ROBO2: variants seen among roughly 807,000 people sequenced by gnomAD.
ROBO2 encodes the protein roundabout guidance receptor 2.
Under a neutral mutation model 160.8 loss-of-function variants are expected in ROBO2, and 53 were observed. That is an observed-to-expected ratio of 0.33 (90% CI 0.26 to 0.41). The LOEUF (loss-of-function observed/expected upper bound fraction) is 0.41, where lower values mean the gene tolerates loss of function less well. Ranked by LOEUF, ROBO2 falls within the 10% of genes least tolerant of loss-of-function variation. The pLI is 1.00. For synonymous variants in ROBO2, 664 were observed against 611.7 expected (o/e 1.09, Z -1.26); for missense variants, 1,577 against 1,722.4 (o/e 0.92, Z 1.49).
chr3:76,563,431 T>C (rs1427123585), intron 2 of ROBO2, among the ~76,000 whole-genome samples: 1 of 152,202 alleles, frequency 6.6e-6, no homozygotes, highest in Non-Finnish European at 1.5e-5. Context: ...TAAATGTTTC[T>C]CTTAATTTGT....
At chr3:76,078,619 C>T (rs2108010490) in intron 2 of ROBO2, among the ~76,000 whole-genome samples, 1 of 152,210 alleles carries the variant, frequency 6.6e-6, no homozygotes, top group East Asian at 1.9e-4. Flanking sequence ...CCTTCCTTGG[C>T]CTGCTAAAGT....
At chr3:76,210,748 T>C (rs1440314091) in intron 2 of ROBO2, among the ~76,000 whole-genome samples, 6 of 152,284 alleles carry the variant, frequency 3.9e-5, no homozygotes, top group African/African-American at 1.4e-4. Context: ...TTATAAAGTA[T>C]CTAATCATGC....
At chr3:77,407,665 C>T (rs777333911) in intron 2 of ROBO2, among the ~76,000 whole-genome samples, 41 of 152,142 alleles carry the variant, frequency 2.7e-4, no homozygotes, top group Non-Finnish European at 4.6e-4. Flanking sequence ...GCTAATCCTC[C>T]CAGCCTCCTG....
At chr3:76,630,638 TGCAGAGATTTTAAGCTAA>T (rs1469171834) in intron 2 of ROBO2, among the ~76,000 whole-genome samples, 1 of 152,220 alleles carries the variant, frequency 6.6e-6, no homozygotes, top group African/African-American at 2.4e-5. Flanking sequence ...TACTGTATCA[TGCAGAGATTTTAAGCTAA>T]GCCACCTGAG....
At chr3:77,392,931 A>G (rs1342958205) in intron 2 of ROBO2, among the ~76,000 whole-genome samples, 1 of 152,152 alleles carries the variant, frequency 6.6e-6, no homozygotes, top group Non-Finnish European at 1.5e-5. Flanking sequence ...CTTTCTTATT[A>G]TTTTGTGCTG....
At chr3:76,249,729 C>A (rs1005390654) in intron 2 of ROBO2, among the ~76,000 whole-genome samples, 1 of 152,028 alleles carries the variant, frequency 6.6e-6, no homozygotes, top group Non-Finnish European at 1.5e-5. Context: ...ACAGACAATT[C>A]CACAATGCGT....
chr3:76,156,340 C>G (rs2072408947), intron 2 of ROBO2, among the ~76,000 whole-genome samples: 1 of 152,094 alleles, frequency 6.6e-6, no homozygotes, highest in Non-Finnish European at 1.5e-5. Context: ...CTAGCCTACA[C>G]ATTAAAGTTA....
At chr3:76,874,799 C>T (rs73127278) in intron 2 of ROBO2, among the ~76,000 whole-genome samples, 4 of 152,088 alleles carry the variant, frequency 2.6e-5, no homozygotes, top group Non-Finnish European at 5.9e-5. Context: ...GTGCCAGACC[C>T]GGACAGGCCA....
At chr3:77,145,805 C>T (rs1579374292) in intron 2 of ROBO2, among the ~76,000 whole-genome samples, 1 of 152,160 alleles carries the variant, frequency 6.6e-6, no homozygotes, top group African/African-American at 2.4e-5. Context: ...AATATTCCCT[C>T]ATGTTAACAA....
At chr3:77,235,288 G>C (rs1359965080) in intron 2 of ROBO2, among the ~76,000 whole-genome samples, 2 of 151,888 alleles carry the variant, frequency 1.3e-5, no homozygotes, top group African/African-American at 4.8e-5. Context: ...ATGAAGAATT[G>C]CTGCCTGACC....
chr3:76,365,242 G>A (rs1277874366), intron 2 of ROBO2, among the ~76,000 whole-genome samples: 1 of 151,960 alleles, frequency 6.6e-6, no homozygotes, highest in African/African-American at 2.4e-5. Context: ...CATAGAAGAG[G>A]ATACCTTATT....
intron 2 of ROBO2, among the ~76,000 whole-genome samples, chr3:76,365,467 G>T (rs1166940624): frequency 1.3e-5 from 2 of 152,028 alleles, no homozygotes; most frequent in East Asian, 3.9e-4. Context: ...CTATGCAGAG[G>T]CTAACTGGGG....
At chr3:76,238,541 C>T (rs1024650618) in intron 2 of ROBO2, among the ~76,000 whole-genome samples, 8 of 151,500 alleles carry the variant, frequency 5.3e-5, no homozygotes, top group African/African-American at 1.9e-4. Flanking sequence ...TAATCACCTC[C>T]CCCCAGGTCT....
Position 75,929,222 on chromosome 3 carries a change from A to G in ROBO2, c.-13-8259A>G, listed in dbSNP as rs141434875. Among the ~76,000 whole-genome samples, 607 of 150,948 alleles carry G rather than the reference A, an allele frequency of 4.0e-3. 5 individuals carry two copies. The highest frequency in any genetic ancestry group is 0.013 in the African/African-American group (526 of 40,928). ...GTGTGTGTGTGTGTGTGTTAGACTTAAACCGTTCATTGAATAAGAAGCCTG... is the reference window on the plus strand; with the variant it reads ...GTGTGTGTGTGTGTGTGTTAGACTTGAACCGTTCATTGAATAAGAAGCCTG... On this transcript the variant is annotated intron_variant, in intron 1 of 26. Coordinates refer to the ROBO2 transcript ENST00000487694.
intron 2 of ROBO2, among the ~76,000 whole-genome samples, chr3:76,724,167 G>A (rs1253361317): frequency 6.6e-6 from 1 of 151,976 alleles, no homozygotes; most frequent in Non-Finnish European, 1.5e-5. Context: ...AGATGTTTTA[G>A]CATTCTCCTG....
chr3:75,983,372 A>G (rs2065330758), intron 2 of ROBO2, among the ~76,000 whole-genome samples: 1 of 151,462 alleles, frequency 6.6e-6, no homozygotes, highest in South Asian at 2.1e-4. Flanking sequence ...TATACATTAT[A>G]GACTGGCACA....
At chr3:76,196,897 A>G (rs1225582358) in intron 2 of ROBO2, among the ~76,000 whole-genome samples, 1 of 152,200 alleles carries the variant, frequency 6.6e-6, no homozygotes, top group African/African-American at 2.4e-5. Context: ...AATGGATAAC[A>G]TATTGTGATT....
chr3:77,393,107 A>C (rs904786277), intron 2 of ROBO2, among the ~76,000 whole-genome samples: 10 of 152,110 alleles, frequency 6.6e-5, no homozygotes, highest in Non-Finnish European at 1.5e-5. Flanking sequence ...TTTAAGAATA[A>C]ATTTGCATTT....
intron 2 of ROBO2, among the ~76,000 whole-genome samples, chr3:76,231,718 T>C (rs1704631223): frequency 6.6e-6 from 1 of 152,226 alleles, no homozygotes; most frequent in Admixed American, 6.5e-5. Flanking sequence ...ATTTAAGATC[T>C]AAGAAACAAG....
Sources: gnomAD v4.1 joint callset for allele counts (sites outside exome capture counted in the v4.1 genomes callset) on GRCh38, gnomAD v4.1.1 for gene constraint, MANE v1.5 for transcripts, NCBI Gene and HGNC (gene_info 2026-07-23, HGNC 2026-07-21) for gene names.